EED: variants seen among roughly 807,000 people sequenced by gnomAD.
EED encodes embryonic ectoderm development, also known as polycomb protein EED.
In EED, 9 loss-of-function variants were observed where a neutral mutation model predicts 61.0. The observed-to-expected ratio is 0.15, with a 90% CI of 0.09 to 0.26. The LOEUF (loss-of-function observed/expected upper bound fraction) is 0.26. Among genes scored for constraint, EED ranks in the 10% least tolerant of loss-of-function variants. EED has a pLI of 1.00. For synonymous variants in EED, 187 were observed against 174.4 expected (o/e 1.07, Z -0.57); for missense variants, 315 against 542.3 (o/e 0.58, Z 4.16).
At chr11:86,265,466 T>C (rs1416348016) in intron 7 of EED, 1 of 152,178 alleles carries the variant, frequency 6.6e-6, no homozygotes, top group Non-Finnish European at 1.5e-5. Context: ...CTCTGGGCCT[T>C]AGTGTCTGCC....
rs1399436994 is a variant in EED, at chr11:86,275,964, A to G, written c.967-1016A>G. The stretch of plus-strand genomic sequence containing the variant: ...TATTAAATTATTTAAATGCCTGTGA[A>G]CCCCACAGGGCTGCCACCTGTCACT... On this transcript the variant is annotated intron_variant, in intron 9 of 11. Coordinates refer to ENST00000263360, the MANE Select transcript of EED (RefSeq NM_003797.5). Among the ~76,000 whole-genome samples, 5 of 152,270 alleles carry G rather than the reference A, an allele frequency of 3.3e-5. No homozygotes were observed. The South Asian group carries it at 8.3e-4, about 25-fold the overall frequency.
intron 9 of EED, 28 bp from the exon 10 acceptor site, chr11:86,276,952 C>T (rs1946248217): frequency 1.4e-6 from 2 of 1,459,298 alleles, no homozygotes; most frequent in Non-Finnish European, 1.8e-6. Flanking sequence ...ATTAACATTT[C>T]TTTTTCTCAT....
downstream of EED, among the ~76,000 whole-genome samples, chr11:86,283,611 C>T (rs142294120): frequency 2.3e-3 from 352 of 152,044 alleles, 2 homozygotes; most frequent in Non-Finnish European, 3.7e-3. Flanking sequence ...TGATGACTGA[C>T]GAGGTGAATA....
At position 86,245,268 on chromosome 11, in the gene EED, A is replaced by C; in HGVS notation, c.39A>C (p.Thr13=). Residue 13 remains threonine (T), a synonymous_variant, in exon 1 of 12, where the codon ACA becomes ACC. Transcript: ENST00000263360. The stretch of plus-strand genomic sequence containing the variant: ...AAGTGTCGACTGCGCCGGCGGGAAC[A>C]GACATGCCTGCGGCCAAGAAGCAGA... ...EREVSTAPAG[T]DMPAAKKQKL... 2 of 1,613,566 alleles carry C rather than the reference A, an allele frequency of 1.2e-6. No homozygotes were observed. Among genetic ancestry groups the C allele is most frequent in the Non-Finnish European group, 1.7e-6 (2 of 1,179,960 alleles).
At chr11:86,257,743 AAC>A in intron 6 of EED, 147 bp downstream of exon 6, 1 of 601,484 alleles carries the variant, frequency 1.7e-6, no homozygotes, top group African/African-American at 1.9e-5. Context: ...CTCACAAAAA[AAC>A]ACAACCACAA....
At chr11:86,246,082 T>C (rs1311141922) in intron 1 of EED, among the ~76,000 whole-genome samples, 2 of 152,276 alleles carry the variant, frequency 1.3e-5, no homozygotes. Context: ...GGTTCCTGGC[T>C]TCGCCAAGTG....
At chr11:86,278,248 T>C in intron 11 of EED, 151 bp from the exon 12 acceptor site, 1 of 1,355,006 alleles carries the variant, frequency 7.4e-7, no homozygotes, top group South Asian at 2.2e-5. Flanking sequence ...TTTTATAAAA[T>C]TTGAGACTGA....
chr11:86,254,609 G>T (rs1204657420), intron 3 of EED, among the ~76,000 whole-genome samples: 3 of 151,050 alleles, frequency 2.0e-5, no homozygotes, highest in African/African-American at 7.3e-5. Flanking sequence ...ATGAGCCACT[G>T]TGTCCGGACT....
At chr11:86,260,262 C>T (rs187266418) in intron 6 of EED, among the ~76,000 whole-genome samples, 6 of 152,244 alleles carry the variant, frequency 3.9e-5, no homozygotes, top group African/African-American at 1.4e-4. Context: ...GGATCTCACT[C>T]TGTCAACCAG....
intron 7 of EED, 88 bp downstream of exon 7, chr11:86,264,351 T>C: frequency 1.1e-6 from 1 of 905,456 alleles, no homozygotes; most frequent in Non-Finnish European, 1.7e-6. Context: ...AGAAAGTGTG[T>C]TTCATGTAGC....
chr11:86,270,233 T>C, intron 9 of EED: 1 of 590,192 alleles, frequency 1.7e-6, no homozygotes, highest in Non-Finnish European at 3.1e-6. Flanking sequence ...AATTTGCATT[T>C]CCCTGATGGC....
chr11:86,262,612 G>A (rs1945861914), intron 6 of EED, among the ~76,000 whole-genome samples: 1 of 152,014 alleles, frequency 6.6e-6, no homozygotes, highest in Non-Finnish European at 1.5e-5. Context: ...CACCATGCCA[G>A]TGATCCTTCC....
downstream of EED, among the ~76,000 whole-genome samples, chr11:86,282,642 T>C (rs1739073852): frequency 6.6e-6 from 1 of 152,226 alleles, no homozygotes; most frequent in South Asian, 2.1e-4. Context: ...GTAGTACCCA[T>C]TCCAGTTTTG....
In EED at chr11:86,257,563, A is replaced by G; in HGVS notation, c.601A>G (p.Arg201Gly). Residue 201 changes from arginine to glycine, a missense_variant, in exon 6 of 12, where the codon AGA becomes GGA. Physicochemically the swap from Arg to Gly is moderately radical, Grantham distance 125. Coordinates refer to ENST00000263360, the MANE Select transcript of EED (RefSeq NM_003797.5). Reference sequence around the variant, plus strand: ...TATCAATGAGCTGAAATTCCATCCAAGAGATCCAAATCTTCTCCTGTCAGT... The same window carrying G: ...TATCAATGAGCTGAAATTCCATCCAGGAGATCCAAATCTTCTCCTGTCAGT... ...NAINELKFHP[R>G]DPNLLLSVSK... is the part of the protein sequence containing the mutation. 1.9e-6 allele frequency: 3 copies of G among 1,612,374 alleles called. No individual in the cohort carries two copies. The highest frequency in any genetic ancestry group is 2.2e-5 in the East Asian group (1 of 44,764).
At chr11:86,270,579 C>A (rs182503618) in intron 9 of EED, among the ~76,000 whole-genome samples, 6 of 152,134 alleles carry the variant, frequency 3.9e-5, no homozygotes, top group Admixed American at 3.9e-4. Flanking sequence ...GATGTTTTGC[C>A]TGAGAACTCC....
chr11:86,248,030 T>C (rs1945434755), intron 1 of EED, among the ~76,000 whole-genome samples: 2 of 152,232 alleles, frequency 1.3e-5, no homozygotes, highest in South Asian at 4.1e-4. Context: ...CTTGTCTTTT[T>C]GCTTAAGCAA....
downstream of EED, among the ~76,000 whole-genome samples, chr11:86,281,932 G>C (rs7116441): frequency 0.033 from 5,033 of 152,274 alleles, 264 homozygotes; most frequent in African/African-American, 0.11. Flanking sequence ...GATATGTTGA[G>C]TATTATGTTT....
At chr11:86,271,927 G>C (rs1465161109) in intron 9 of EED, among the ~76,000 whole-genome samples, 2 of 140,938 alleles carry the variant, frequency 1.4e-5, no homozygotes, top group African/African-American at 5.0e-5. Context: ...CGTGAGGTAT[G>C]ATACTGGTCT....
At chr11:86,261,511 G>A (rs1054079009) in intron 6 of EED, among the ~76,000 whole-genome samples, 2 of 152,230 alleles carry the variant, frequency 1.3e-5, no homozygotes, top group African/African-American at 4.8e-5. Context: ...TAGCTCAGCA[G>A]TTCTGGGATT....
Sources: allele counts gnomAD v4.1 joint callset (sites outside exome capture counted in the v4.1 genomes callset), GRCh38; gene constraint gnomAD v4.1.1; transcripts MANE v1.5; gene names NCBI Gene and HGNC (gene_info 2026-07-23, HGNC 2026-07-21).